The following ZNF69 variants were observed in gnomAD, a reference collection of about 807,000 sequenced individuals.
ZNF69 encodes ZNF3.
In ZNF69, 47 loss-of-function variants were observed where a neutral mutation model predicts 50.9. The ratio of observed to expected loss-of-function variants is 0.92; its 90% CI spans 0.73 to 1.18. ZNF69 has a LOEUF of 1.18. Ranked by LOEUF, ZNF69 falls within the 50% of genes most tolerant of loss-of-function variation. ZNF69 has a pLI of 0.00. For synonymous variants in ZNF69, 216 were observed against 223.1 expected, an observed-to-expected ratio of 0.97 and a Z score of 0.29; for missense variants, 717 against 675.1, an observed-to-expected ratio of 1.06 and a Z score of -0.69.
At chr19:11,946,020 G>A in the ZNF69 span, among the ~76,000 whole-genome samples, 3 of 152,192 alleles carry the variant, frequency 2.0e-5, no homozygotes, top group South Asian at 2.1e-4. Flanking sequence ...CACCAGTATC[G>A]ACAAGAAACT....
intron 1 of ZNF69, 135 bp from the exon 2 acceptor site, chr19:11,903,438 T>C: frequency 7.0e-7 from 1 of 1,422,888 alleles, no homozygotes; most frequent in Non-Finnish European, 9.5e-7. Flanking sequence ...TGGAAGAAAG[T>C]AAGTATACAC....
downstream of ZNF69, chr19:11,914,376 C>T (rs1407187647): frequency 6.6e-6 from 1 of 151,994 alleles, no homozygotes; most frequent in African/African-American, 2.4e-5. Context: ...ACTCCTGGAC[C>T]TGTTTTTGCC....
the ZNF69 span, chr19:11,980,166 G>T: frequency 1.6e-6 from 1 of 640,074 alleles, no homozygotes; most frequent in Non-Finnish European, 2.6e-6. Context: ...AATCACCTGA[G>T]GTCAGGAGTT....
the ZNF69 span, among the ~76,000 whole-genome samples, chr19:11,962,919 C>A: frequency 6.2e-3 from 939 of 152,242 alleles, 10 homozygotes; most frequent in African/African-American, 0.021. Flanking sequence ...GGGGCTTTTT[C>A]CATTGACTGC....
chr19:11,970,653 T>C, the ZNF69 span, among the ~76,000 whole-genome samples: 1 of 152,172 alleles, frequency 6.6e-6, no homozygotes, highest in Non-Finnish European at 1.5e-5. Flanking sequence ...TTACCTTAAA[T>C]AGATGTCCAG....
At chr19:11,933,110 T>C in the ZNF69 span, among the ~76,000 whole-genome samples, 1 of 147,986 alleles carries the variant, frequency 6.8e-6, no homozygotes, top group Admixed American at 6.6e-5. Context: ...AAGCTCATAG[T>C]TCCCCCTATT....
At chr19:11,889,442 A>C (rs1210899340) in intron 1 of ZNF69, among the ~76,000 whole-genome samples, 4 of 152,164 alleles carry the variant, frequency 2.6e-5, no homozygotes, top group Admixed American at 2.0e-4. Context: ...AGAGCCGGTC[A>C]CTTCACTTAC....
At chr19:11,946,952 T>C in the ZNF69 span, 2 of 816,284 alleles carry the variant, frequency 2.5e-6, no homozygotes, top group Non-Finnish European at 3.4e-6. Context: ...CACGCCATTG[T>C]ACTCCAGCCT....
At chr19:11,975,316 G>A in the ZNF69 span, among the ~76,000 whole-genome samples, 11 of 151,668 alleles carry the variant, frequency 7.3e-5, no homozygotes, top group Middle Eastern at 3.4e-3. Context: ...GATGATTTCC[G>A]CCCCACCCAC....
At chr19:11,979,485 T>C in the ZNF69 span, 5 of 1,602,752 alleles carry the variant, frequency 3.1e-6, no homozygotes, top group African/African-American at 5.4e-5. Flanking sequence ...GGGAAAGGCT[T>C]TTATTCTCCC....
the ZNF69 span, among the ~76,000 whole-genome samples, chr19:11,924,748 GCT>G: frequency 8.5e-5 from 13 of 152,162 alleles, no homozygotes. Context: ...TTCCCCTGCT[GCT>G]CTGAGGCCAG....
At chr19:11,927,211 G>T in the ZNF69 span, among the ~76,000 whole-genome samples, 41 of 152,052 alleles carry the variant, frequency 2.7e-4, no homozygotes, top group African/African-American at 9.6e-4. Flanking sequence ...AAAATTAGCC[G>T]GGTGTGGTGG....
chr19:11,901,640 A>G (rs1158668832), intron 1 of ZNF69, among the ~76,000 whole-genome samples: 1 of 152,040 alleles, frequency 6.6e-6, no homozygotes, highest in Non-Finnish European at 1.5e-5. Context: ...ATGTGCCACC[A>G]TGCCTGGCTA....
At position 11,904,934 on chromosome 19, in the gene ZNF69, T is replaced by G. The variant is rs753707932; in HGVS notation, c.537T>G (p.Phe179Leu). The change falls in exon 4 of 4, where the codon TTT becomes TTG. Residue 179 changes from phenylalanine (F) to leucine (L), a missense_variant. Phe to Leu is a conservative substitution (Grantham distance 22). Transcript: ENST00000429654. ...AAGCCTTCAGATATCACCCCTCCTT[T>G]AGAACACCACAAAGGGATCACACTG... ...PKKAFRYHPSFRTPQRDHTGE... is the reference protein window; with the variant it reads ...PKKAFRYHPSLRTPQRDHTGE... 25 of 1,614,062 alleles carry G rather than the reference T, an allele frequency of 1.5e-5. No homozygotes were observed. The highest frequency in any genetic ancestry group is 3.3e-4 in the Middle Eastern group (2 of 6,084).
the ZNF69 span, among the ~76,000 whole-genome samples, chr19:11,934,968 C>CAGG: frequency 2.6e-4 from 38 of 146,872 alleles, 1 homozygote; most frequent in East Asian, 6.1e-4. Context: ...ATCAGGAGGT[C>CAGG]AGATCAAGAC....
At chr19:11,935,791 T>A in the ZNF69 span, among the ~76,000 whole-genome samples, 1 of 152,204 alleles carries the variant, frequency 6.6e-6, no homozygotes, top group Non-Finnish European at 1.5e-5. Flanking sequence ...ATGTGCCGTG[T>A]TGGTTTGTTG....
chr19:11,934,900 G>A, the ZNF69 span, among the ~76,000 whole-genome samples: 1 of 147,604 alleles, frequency 6.8e-6, no homozygotes, highest in Non-Finnish European at 1.5e-5. Flanking sequence ...ACAGTCTTTG[G>A]TCGGGTGCGG....
At chr19:11,979,204 T>C in the ZNF69 span, 9 of 1,611,392 alleles carry the variant, frequency 5.6e-6, no homozygotes, top group Admixed American at 1.0e-4. Flanking sequence ...ATGCATGCCA[T>C]GTGGTAAAGC....
At chr19:11,965,688 T>C in the ZNF69 span, among the ~76,000 whole-genome samples, 19 of 152,218 alleles carry the variant, frequency 1.2e-4, no homozygotes, top group Non-Finnish European at 2.8e-4. Context: ...TCCTGGCTTG[T>C]GGTTTGTCAA....
Sources: gnomAD v4.1 joint callset for allele counts (sites outside exome capture counted in the v4.1 genomes callset) on GRCh38, gnomAD v4.1.1 for gene constraint, MANE v1.5 for transcripts, NCBI Gene and HGNC (gene_info 2026-07-23, HGNC 2026-07-21) for gene names.